The following DLGAP2 variants were observed in gnomAD, a reference collection of about 807,000 sequenced individuals.
The protein encoded by DLGAP2 is DLG associated protein 2.
In DLGAP2, 26 loss-of-function variants were observed where a neutral mutation model predicts 100.3. The ratio of observed to expected loss-of-function variants is 0.26; its 90% CI spans 0.19 to 0.36. The LOEUF (loss-of-function observed/expected upper bound fraction) is 0.36, where lower values mean the gene tolerates loss of function less well. DLGAP2 is among the 10% of genes least tolerant of loss of function. The probability of loss-of-function intolerance (pLI) is 1.00; values close to 1 mark genes in which losing one functional copy is unlikely to be tolerated. For synonymous variants in DLGAP2, 886 were observed against 630.1 expected (o/e 1.41, Z -6.08); for missense variants, 1,858 against 1,453.2 (o/e 1.28, Z -4.53).
intron 1 of DLGAP2, among the ~76,000 whole-genome samples, chr8:759,065 ATTATCAATACCCCCCACAGCCTTCCTG>A (rs748590643): frequency 0.13 from 10,503 of 77,804 alleles, 945 homozygotes; most frequent in Admixed American, 0.16. Flanking sequence ...CAACCTTCCC[ATTATCAATACCCCCCACAGCCTTCCTG>A]TTATCAATAC....
chr8:1,114,961 A>T (rs1428989315), intron 2 of DLGAP2, among the ~76,000 whole-genome samples: 1 of 152,210 alleles, frequency 6.6e-6, no homozygotes, highest in Non-Finnish European at 1.5e-5. Flanking sequence ...ACCCAAAGTC[A>T]TTCAGGAGGA....
intron 2 of DLGAP2, among the ~76,000 whole-genome samples, chr8:1,165,300 GGA>G (rs143237912): frequency 8.0e-5 from 12 of 150,920 alleles, no homozygotes; most frequent in Non-Finnish European, 1.2e-4. Flanking sequence ...AGAGAGACAG[GGA>G]GAGAGAGAGA....
chr8:963,978 T>C (rs1258486134), intron 2 of DLGAP2, among the ~76,000 whole-genome samples: 1 of 152,236 alleles, frequency 6.6e-6, no homozygotes, highest in Non-Finnish European at 1.5e-5. Flanking sequence ...AAAATTCAAC[T>C]TAGTCGACCC....
At chr8:1,301,776 C>A (rs1800348325) in intron 3 of DLGAP2, 3 of 152,372 alleles carry the variant, frequency 2.0e-5, no homozygotes. Context: ...CAGCACCCCT[C>A]CCCTTCCCAC....
At chr8:1,419,207 TGTG>T in intron 3 of DLGAP2, among the ~76,000 whole-genome samples, 1 of 18,528 alleles carries the variant, frequency 5.4e-5, no homozygotes, top group South Asian at 0.017. Flanking sequence ...GATGCGTGCG[TGTG>T]TGTGTGTGTG....
intron 3 of DLGAP2, among the ~76,000 whole-genome samples, chr8:1,416,081 C>CA (rs1796874328): frequency 6.6e-6 from 1 of 152,180 alleles, no homozygotes; most frequent in South Asian, 2.1e-4. Context: ...TATTAGATGA[C>CA]AAAAACATAG....
intron 3 of DLGAP2, among the ~76,000 whole-genome samples, chr8:1,390,883 C>T (rs1200673844): frequency 2.0e-5 from 3 of 152,172 alleles, no homozygotes; most frequent in African/African-American, 4.8e-5. Context: ...GCAGCATCAC[C>T]GTCCTCATAA....
At chr8:1,032,976 C>T (rs1563155272) in intron 2 of DLGAP2, 1 of 152,178 alleles carries the variant, frequency 6.6e-6, no homozygotes, top group Non-Finnish European at 1.5e-5. Context: ...GTTCAGATAC[C>T]CAAAGGGTGA....
intron 3 of DLGAP2, among the ~76,000 whole-genome samples, chr8:1,305,360 T>G (rs1440798249): frequency 1.3e-5 from 2 of 152,204 alleles, no homozygotes; most frequent in African/African-American, 4.8e-5. Context: ...TCAGCATTAT[T>G]TTGTTTGGTT....
At chr8:1,010,295 C>G (rs1255991269) in intron 2 of DLGAP2, among the ~76,000 whole-genome samples, 2 of 127,258 alleles carry the variant, frequency 1.6e-5, no homozygotes, top group African/African-American at 3.2e-5. Flanking sequence ...TGTGTGTACA[C>G]TCAGATATCA....
chr8:1,036,253 C>G (rs926660004), intron 2 of DLGAP2, among the ~76,000 whole-genome samples: 2 of 152,178 alleles, frequency 1.3e-5, no homozygotes, highest in Admixed American at 6.5e-5. Context: ...ACACGCTCAT[C>G]CCGACCCCAC....
At position 1,282,492 on chromosome 8, in the gene DLGAP2, C is replaced by A. The variant is rs1310823277; in HGVS notation, c.106+23609C>A. 5.7e-3 allele frequency among the ~76,000 whole-genome samples: 717 copies of A among 126,062 alleles called. 19 individuals are homozygous for A. The highest frequency in any genetic ancestry group is 0.02 in the African/African-American group (676 of 33,584). The allele number at this position is 126,062 out of a possible 152,430, so 82.7% of individuals were successfully genotyped here. On this transcript the variant is annotated intron_variant, in intron 3 of 14. Transcript: ENST00000637795. ...TGGACATGGTGTGACCTGAACCCAG[C>A]ACGTGAACCATCCAGACGTGGTGTG...
intron 3 of DLGAP2, among the ~76,000 whole-genome samples, chr8:1,333,292 C>G (rs888340961): frequency 3.9e-5 from 6 of 152,266 alleles, no homozygotes; most frequent in African/African-American, 1.4e-4. Flanking sequence ...CACCTCGAGT[C>G]TCAGGACACG....
intron 12 of DLGAP2, among the ~76,000 whole-genome samples, chr8:1,690,216 C>G (rs1291897823): frequency 1.3e-5 from 2 of 151,792 alleles, no homozygotes; most frequent in African/African-American, 4.8e-5. Context: ...ATTAGCCAGG[C>G]ATGGTGGCAT....
intron 3 of DLGAP2, among the ~76,000 whole-genome samples, chr8:1,365,835 C>T (rs1802096457): frequency 6.6e-6 from 1 of 152,254 alleles, no homozygotes; most frequent in Non-Finnish European, 1.5e-5. Context: ...TGGGGGGCCG[C>T]AGCTCAGACG....
intron 3 of DLGAP2, among the ~76,000 whole-genome samples, chr8:1,313,835 A>T (rs187560612): frequency 1.1e-3 from 169 of 152,288 alleles, no homozygotes; most frequent in African/African-American, 3.7e-3. Context: ...CTGAACCTTG[A>T]TAACCATCCC....
intron 4 of DLGAP2, among the ~76,000 whole-genome samples, chr8:1,516,458 A>C (rs982901597): frequency 1.2e-4 from 18 of 151,072 alleles, no homozygotes; most frequent in Non-Finnish European, 2.5e-4. Context: ...AGAGTGACTG[A>C]GTGAATGAGT....
chr8:763,647 C>T (rs919542636), intron 1 of DLGAP2, among the ~76,000 whole-genome samples: 2 of 152,024 alleles, frequency 1.3e-5, no homozygotes, highest in Non-Finnish European at 2.9e-5. Context: ...GGTGGCGACC[C>T]AGAGAGGCAG....
At chr8:1,511,243 C>T (rs1337040061) in intron 4 of DLGAP2, among the ~76,000 whole-genome samples, 4 of 151,256 alleles carry the variant, frequency 2.6e-5, no homozygotes, top group African/African-American at 9.8e-5. Context: ...GACCATCTTC[C>T]ATGGACGTAA....
Sources: gnomAD v4.1 joint callset for allele counts (sites outside exome capture counted in the v4.1 genomes callset) on GRCh38, gnomAD v4.1.1 for gene constraint, MANE v1.5 for transcripts, NCBI Gene and HGNC (gene_info 2026-07-23, HGNC 2026-07-21) for gene names.